TGFBR2: variants seen among roughly 807,000 people sequenced by gnomAD.
TGFBR2 encodes transforming growth factor beta receptor 2.
In TGFBR2, 18 loss-of-function variants were observed where a neutral mutation model predicts 49.0. That is an observed-to-expected ratio of 0.37 (90% CI 0.25 to 0.54). The LOEUF (loss-of-function observed/expected upper bound fraction) is 0.54, where lower values mean the gene tolerates loss of function less well. Among genes scored for constraint, TGFBR2 ranks in the 20% least tolerant of loss-of-function variants. The pLI is 0.85. For missense variants in TGFBR2, 525 were observed against 722.6 expected (o/e 0.73, Z 3.13); for synonymous variants, 282 against 275.9 (o/e 1.02, Z -0.22).
At position 30,672,839 on chromosome 3, in the gene TGFBR2, C is replaced by A. The variant is rs771406151; in HGVS notation, c.1254+402C>A. Among the ~76,000 whole-genome samples the A allele has an allele frequency of 2.0e-5, 3 of 152,148 alleles. No homozygotes were observed. The highest frequency in any genetic ancestry group is 4.4e-5 in the Non-Finnish European group (3 of 68,030). On this transcript the variant is annotated intron_variant, in intron 4 of 6. Transcript: ENST00000295754. This position sits in a 1 kb window ranked among gnomAD's most constrained non-coding sequence, Gnocchi z 4.5. ...GTTGGTTTCTTTGTATTAAAAGCATCGTGGAAGGCAATCTCCCTGAAGTCC... is the reference window on the plus strand; with the variant it reads ...GTTGGTTTCTTTGTATTAAAAGCATAGTGGAAGGCAATCTCCCTGAAGTCC...
At position 30,626,153 on chromosome 3, in the gene TGFBR2, C is replaced by T. The variant is rs138458258; in HGVS notation, c.95-18594C>T. ...TGAGAAACACTAATCTAGCCTAACCCAGTGAGGTTACAAATGAAGAATTTC... is the reference window on the plus strand; with the variant it reads ...TGAGAAACACTAATCTAGCCTAACCTAGTGAGGTTACAAATGAAGAATTTC... On this transcript the variant is annotated intron_variant, in intron 1 of 6. Transcript: ENST00000295754. Among the ~76,000 whole-genome samples the T allele has an allele frequency of 9.8e-5, 15 of 152,306 alleles. No homozygotes were observed. The East Asian group carries it at 2.9e-3, about 29-fold the overall frequency.
intron 1 of TGFBR2, chr3:30,626,437 C>T (rs1488474481): frequency 6.6e-6 from 1 of 152,352 alleles, no homozygotes; most frequent in East Asian, 1.9e-4. Context: ...GATGATTTTC[C>T]AAAAGAGAAA....
At chr3:30,607,710 T>A (rs924879850) in intron 1 of TGFBR2, among the ~76,000 whole-genome samples, 18 of 151,346 alleles carry the variant, frequency 1.2e-4, no homozygotes, top group African/African-American at 4.1e-4. Context: ...AATTATCGTT[T>A]GTTGGAAACC....
intron 5 of TGFBR2, among the ~76,000 whole-genome samples, chr3:30,674,825 C>T (rs1481546084): frequency 6.6e-6 from 1 of 151,978 alleles, no homozygotes; most frequent in African/African-American, 2.4e-5. Flanking sequence ...CTACTTTTCT[C>T]CTGAAAAGCT....
At chr3:30,614,527 C>T (rs1031909074) in intron 1 of TGFBR2, among the ~76,000 whole-genome samples, 1 of 152,148 alleles carries the variant, frequency 6.6e-6, no homozygotes, top group Admixed American at 6.5e-5. Flanking sequence ...ACGCCCAAAT[C>T]CTGCAAACTT....
At chr3:30,638,476 C>T (rs1480971049) in intron 1 of TGFBR2, among the ~76,000 whole-genome samples, 1 of 152,132 alleles carries the variant, frequency 6.6e-6, no homozygotes. Flanking sequence ...GACCTTGGTA[C>T]CCCAGAGACC....
intron 5 of TGFBR2, among the ~76,000 whole-genome samples, chr3:30,686,292 A>G (rs1699621250): frequency 6.6e-6 from 1 of 152,202 alleles, no homozygotes; most frequent in African/African-American, 2.4e-5. Flanking sequence ...AAGGAATGAA[A>G]GAAAAAAATA....
chr3:30,610,054 A>C (rs6798752), intron 1 of TGFBR2, among the ~76,000 whole-genome samples: 4,739 of 152,190 alleles, frequency 0.031, 267 homozygotes, highest in African/African-American at 0.11. Flanking sequence ...TTAACTCTGG[A>C]TCAATAAGGC....
chr3:30,674,163 A>G lies in TGFBR2; in HGVS notation c.1313A>G (p.Asn438Ser). The G allele has an allele frequency of 6.2e-7, 1 of 1,614,186 alleles. No individual in the cohort carries two copies. Among genetic ancestry groups the G allele is most frequent in the Non-Finnish European group, 8.5e-7 (1 of 1,180,020 alleles). Residue 438 changes from asparagine to serine, a missense_variant, in exon 5 of 7, where the codon AAT (asparagine) becomes AGT (serine). Around this residue, in one of 3 missense-constraint regions of TGFBR2, gnomAD observed 45 missense variants for 111.0 expected, o/e 0.41. Coordinates refer to ENST00000295754, the MANE Select transcript of TGFBR2 (RefSeq NM_003242.6). ...CTAGAATCCAGGATGAATTTGGAGAATGTTGAGTCCTTCAAGCAGACCGAT... is the reference window on the plus strand; with the variant it reads ...CTAGAATCCAGGATGAATTTGGAGAGTGTTGAGTCCTTCAAGCAGACCGAT... ...EVLESRMNLE[N>S]VESFKQTDVY...
intron 5 of TGFBR2, among the ~76,000 whole-genome samples, chr3:30,684,264 G>GA (rs1190730367): frequency 2.3e-4 from 33 of 143,480 alleles, no homozygotes; most frequent in South Asian, 6.6e-4. Flanking sequence ...CAGGGCATGA[G>GA]AAAAAAAAAA....
intron 5 of TGFBR2, among the ~76,000 whole-genome samples, chr3:30,687,065 G>A (rs537123862): frequency 1.0e-3 from 157 of 152,194 alleles, no homozygotes; most frequent in African/African-American, 3.6e-3. Context: ...AAAATAAGCA[G>A]GTGAATATAT....
chr3:30,683,928 C>A (rs1479395996), intron 5 of TGFBR2, among the ~76,000 whole-genome samples: 1 of 152,184 alleles, frequency 6.6e-6, no homozygotes, highest in African/African-American at 2.4e-5. Flanking sequence ...GGGCTTTCTG[C>A]TTTCTAACCT....
At chr3:30,617,104 T>C (rs199798573) in intron 1 of TGFBR2, among the ~76,000 whole-genome samples, 1 of 151,550 alleles carries the variant, frequency 6.6e-6, no homozygotes, top group East Asian at 1.9e-4. Context: ...AGGAAACTTG[T>C]CTAGATATAA....
chr3:30,615,392 A>G (rs1368507309), intron 1 of TGFBR2, among the ~76,000 whole-genome samples: 3 of 152,220 alleles, frequency 2.0e-5, no homozygotes, highest in Non-Finnish European at 1.5e-5. Flanking sequence ...GCTCACATAT[A>G]AAAGAAACCT....
At chr3:30,685,989 A>T (rs572805177) in intron 5 of TGFBR2, among the ~76,000 whole-genome samples, 1 of 152,318 alleles carries the variant, frequency 6.6e-6, no homozygotes, top group East Asian at 1.9e-4. Flanking sequence ...TATGGTACCA[A>T]GGGGGCATCA....
intron 1 of TGFBR2, among the ~76,000 whole-genome samples, chr3:30,634,508 G>T (rs13061018): frequency 0.31 from 46,576 of 151,954 alleles, 8,290 homozygotes; most frequent in East Asian, 0.67. Context: ...TCCCTCAAGG[G>T]TTTAAATATG....
At chr3:30,606,571 C>T (rs530054951), upstream of TGFBR2, 24 of 313,304 alleles carry the variant, frequency 7.7e-5, no homozygotes, top group South Asian at 3.0e-3. Flanking sequence ...CCTGTTTCCC[C>T]CGCAGCGCTG....
At chr3:30,647,362 A>C in intron 2 of TGFBR2, among the ~76,000 whole-genome samples, 1 of 152,130 alleles carries the variant, frequency 6.6e-6, no homozygotes, top group East Asian at 1.9e-4. Flanking sequence ...CCTTCTGTGC[A>C]ATACTGTTGC....
intron 5 of TGFBR2, among the ~76,000 whole-genome samples, chr3:30,679,208 T>C (rs1010561512): frequency 6.6e-6 from 1 of 152,182 alleles, no homozygotes; most frequent in Non-Finnish European, 1.5e-5. Context: ...GGGAAGGCAG[T>C]GAGCTCAAAG....
Sources: gnomAD v4.1 joint callset for allele counts (sites outside exome capture counted in the v4.1 genomes callset) on GRCh38, gnomAD v4.1.1 for gene constraint, gnomAD v4.1.1 regional missense constraint, Gnocchi (gnomAD v3.1) non-coding constraint, MANE v1.5 for transcripts, NCBI Gene and HGNC (gene_info 2026-07-23, HGNC 2026-07-21) for gene names.